Variants in LAMA2 observed in about 807,000 individuals in gnomAD.
LAMA2 encodes the protein laminin subunit alpha-2.
LAMA2 carries 269 observed loss-of-function variants against 364.8 expected under a neutral mutation model. The ratio of observed to expected loss-of-function variants is 0.74; its 90% CI spans 0.67 to 0.82. LAMA2 has a LOEUF of 0.82. LAMA2 is among the 40% of genes least tolerant of loss of function. The pLI is 0.00. For missense variants in LAMA2, 3,807 were observed against 3,873.2 expected, an observed-to-expected ratio of 0.98 and a Z score of 0.45; for synonymous variants, 1,379 against 1,370.6, an observed-to-expected ratio of 1.01 and a Z score of -0.14.
chr6:129,171,506 AC>A (rs1780151050), intron 9 of LAMA2, among the ~76,000 whole-genome samples: 2 of 151,758 alleles, frequency 1.3e-5, no homozygotes, highest in Non-Finnish European at 2.9e-5. Flanking sequence ...ATTGGCCCCC[AC>A]TCTCTTCCGG....
chr6:129,298,573 T>C (rs1773351748), intron 21 of LAMA2, among the ~76,000 whole-genome samples: 1 of 152,194 alleles, frequency 6.6e-6, no homozygotes, highest in African/African-American at 2.4e-5. Flanking sequence ...CTGACCCTTA[T>C]TCCAACAATC....
chr6:129,157,804 T>C, intron 8 of LAMA2: 1 of 1,613,542 alleles, frequency 6.2e-7, no homozygotes, highest in South Asian at 1.1e-5. Context: ...CGACGAGCCA[T>C]CTCCCAAATG....
intron 30 of LAMA2, among the ~76,000 whole-genome samples, chr6:129,342,973 C>A (rs529006971): frequency 3.3e-5 from 5 of 152,194 alleles, no homozygotes; most frequent in African/African-American, 1.2e-4. Flanking sequence ...AATGTCATCT[C>A]CCGGAATCAC....
At chr6:128,941,612 C>A (rs943968687) in intron 1 of LAMA2, among the ~76,000 whole-genome samples, 5 of 151,702 alleles carry the variant, frequency 3.3e-5, no homozygotes, top group Non-Finnish European at 7.4e-5. Flanking sequence ...ATACAATTTT[C>A]AAGGTTCAGA....
chr6:129,110,579 C>T (rs1393576592), intron 4 of LAMA2, among the ~76,000 whole-genome samples: 2 of 152,090 alleles, frequency 1.3e-5, no homozygotes, highest in African/African-American at 4.8e-5. Context: ...ACAAGGCACT[C>T]TGCCATGCAT....
intron 10 of LAMA2, among the ~76,000 whole-genome samples, chr6:129,182,419 G>A (rs912548329): frequency 1.3e-5 from 2 of 151,574 alleles, no homozygotes; most frequent in Admixed American, 1.3e-4. Context: ...ACAATGTATA[G>A]AGAAAAACCA....
chr6:128,913,507 A>C (rs975299457), intron 1 of LAMA2, among the ~76,000 whole-genome samples: 2 of 152,196 alleles, frequency 1.3e-5, no homozygotes, highest in African/African-American at 2.4e-5. Flanking sequence ...AGATGACATT[A>C]ATAATTGGTT....
chr6:129,297,530 T>C (rs1773262981), intron 20 of LAMA2, among the ~76,000 whole-genome samples, 155 bp from the exon 21 acceptor site: 1 of 152,196 alleles, frequency 6.6e-6, no homozygotes, highest in Admixed American at 6.5e-5. Context: ...AAAGGTCCAT[T>C]TGATTGAATG....
chr6:129,073,005 G>A (rs954952721), intron 3 of LAMA2, among the ~76,000 whole-genome samples: 3 of 152,010 alleles, frequency 2.0e-5, no homozygotes, highest in Non-Finnish European at 2.9e-5. Flanking sequence ...CATCAAGAAA[G>A]TATCCCATTT....
intron 29 of LAMA2, among the ~76,000 whole-genome samples, chr6:129,334,251 C>A (rs568033563): frequency 6.6e-6 from 1 of 152,350 alleles, no homozygotes. Context: ...ATGAACTCTG[C>A]AGTCAGAGTG....
chr6:129,058,195 G>T (rs965549824), intron 2 of LAMA2, among the ~76,000 whole-genome samples: 3 of 152,180 alleles, frequency 2.0e-5, no homozygotes, highest in Non-Finnish European at 4.4e-5. Context: ...GAAAGAAAAA[G>T]ACCTTATATT....
Position 129,458,356 on chromosome 6 carries a change from T to A in LAMA2, c.6868-1844T>A, listed in dbSNP as rs527618132. On this transcript the variant is annotated intron_variant, in intron 48 of 64. Transcript: ENST00000421865. ...GCACAAAAACAGTATTCTATCAGTCTCAGAAAAAGAAAGAAAACATGAACA... is the reference window on the plus strand; with the variant it reads ...GCACAAAAACAGTATTCTATCAGTCACAGAAAAAGAAAGAAAACATGAACA... 2.6e-5 allele frequency among the ~76,000 whole-genome samples: 4 copies of A among 151,948 alleles called. No homozygotes were observed. In the South Asian group the frequency reaches 6.2e-4, roughly 24 times the overall value.
At chr6:129,482,606 G>A (rs1784400066) in intron 55 of LAMA2, among the ~76,000 whole-genome samples, 1 of 152,058 alleles carries the variant, frequency 6.6e-6, no homozygotes, top group African/African-American at 2.4e-5. Flanking sequence ...ATCAATTTTA[G>A]TATGTAACAT....
intron 1 of LAMA2, among the ~76,000 whole-genome samples, chr6:128,893,208 G>T (rs1045247628): frequency 6.6e-5 from 10 of 151,726 alleles, no homozygotes; most frequent in Admixed American, 1.3e-4. Flanking sequence ...TGTAATGTTC[G>T]AATCTATTTC....
intron 3 of LAMA2, among the ~76,000 whole-genome samples, chr6:129,096,346 A>G (rs1259121588): frequency 3.3e-5 from 5 of 152,176 alleles, no homozygotes; most frequent in Admixed American, 3.3e-4. Flanking sequence ...TAAAACATTT[A>G]TGTTCATACA....
chr6:129,477,993 G>A (rs1408318821), intron 53 of LAMA2, among the ~76,000 whole-genome samples: 9 of 90,906 alleles, frequency 9.9e-5, no homozygotes, highest in Non-Finnish European at 1.7e-4. Flanking sequence ...TCACTCTGTT[G>A]CCTCAGGCTG....
chr6:128,963,165 A>G (rs1178056110), intron 1 of LAMA2, among the ~76,000 whole-genome samples: 1 of 152,082 alleles, frequency 6.6e-6, no homozygotes, highest in Non-Finnish European at 1.5e-5. Flanking sequence ...GATCATAACT[A>G]GATAATCGTT....
chr6:128,991,570 T>A (rs944929567), intron 1 of LAMA2, among the ~76,000 whole-genome samples: 1 of 152,218 alleles, frequency 6.6e-6, no homozygotes, highest in African/African-American at 2.4e-5. Flanking sequence ...TACTAAACAG[T>A]GAAGTGAAAA....
intron 1 of LAMA2, chr6:128,905,706 C>T (rs1445396556): frequency 6.6e-6 from 1 of 151,200 alleles, no homozygotes; most frequent in Non-Finnish European, 1.5e-5. Context: ...CATATGTATA[C>T]ATGTGCCATG....
Sources: allele counts gnomAD v4.1 joint callset (sites outside exome capture counted in the v4.1 genomes callset), GRCh38; gene constraint gnomAD v4.1.1; transcripts MANE v1.5; gene names NCBI Gene and HGNC (gene_info 2026-07-23, HGNC 2026-07-21).